The following CLIP2 variants were observed in gnomAD, a reference collection of about 807,000 sequenced individuals.
The protein encoded by CLIP2 is CAP-Gly domain containing linker protein 2, also known as CAP-Gly domain-containing linker protein 2.
In CLIP2, 41 loss-of-function variants were observed where a neutral mutation model predicts 111.7. The observed-to-expected ratio is 0.37, with a 90% CI of 0.29 to 0.48. CLIP2 has a LOEUF of 0.48. CLIP2 is among the 20% of genes least tolerant of loss of function. CLIP2 has a pLI of 0.99. For missense variants in CLIP2, 1,160 were observed against 1,422.1 expected, an observed-to-expected ratio of 0.82 and a Z score of 2.96; for synonymous variants, 660 against 644.2, an observed-to-expected ratio of 1.02 and a Z score of -0.37.
chr7:74,391,177 T>C (rs2116694493), intron 13 of CLIP2, among the ~76,000 whole-genome samples: 1 of 152,332 alleles, frequency 6.6e-6, no homozygotes, highest in East Asian at 1.9e-4. Flanking sequence ...TCTTTTTCCA[T>C]GTTCCATCTT....
At chr7:74,335,517 T>G (rs1789424474) in intron 2 of CLIP2, among the ~76,000 whole-genome samples, 1 of 151,146 alleles carries the variant, frequency 6.6e-6, no homozygotes, top group Non-Finnish European at 1.5e-5. Flanking sequence ...ATTTATTTAT[T>G]TATAAGAGAT....
chr7:74,300,407 C>G (rs1162113649), intron 1 of CLIP2, among the ~76,000 whole-genome samples: 1 of 151,534 alleles, frequency 6.6e-6, no homozygotes, highest in Non-Finnish European at 1.5e-5. Context: ...GAGTTGTTTT[C>G]TAGGGATAAT....
intron 3 of CLIP2, among the ~76,000 whole-genome samples, chr7:74,347,082 G>GCCCCGT (rs1160216339): frequency 6.6e-6 from 1 of 151,892 alleles, no homozygotes; most frequent in African/African-American, 2.4e-5. Flanking sequence ...TAGATCCCTT[G>GCCCCGT]CCCCGTCCCC....
chr7:74,400,846 AG>A (rs1291563913), intron 15 of CLIP2, among the ~76,000 whole-genome samples: 2 of 147,012 alleles, frequency 1.4e-5, no homozygotes, highest in Non-Finnish European at 3.0e-5. Flanking sequence ...CCTGGTCTGA[AG>A]GGGGAGGCAG....
At chr7:74,372,415 G>GGGGGGGGGGGGGGA (rs1790654230) in intron 8 of CLIP2, among the ~76,000 whole-genome samples, 1 of 118,936 alleles carries the variant, frequency 8.4e-6, no homozygotes, top group Non-Finnish European at 1.8e-5. Context: ...GGGGGGGGGG[G>GGGGGGGGGGGGGGA]AGTCGAGCGG....
At chr7:74,359,549 G>A (rs924712296) in intron 6 of CLIP2, among the ~76,000 whole-genome samples, 2 of 151,680 alleles carry the variant, frequency 1.3e-5, no homozygotes, top group Non-Finnish European at 2.9e-5. Flanking sequence ...TAGAGATGGG[G>A]TTTCACCATG....
intron 2 of CLIP2, among the ~76,000 whole-genome samples, chr7:74,324,423 T>C (rs1162842687): frequency 6.6e-6 from 1 of 152,190 alleles, no homozygotes; most frequent in Non-Finnish European, 1.5e-5. Flanking sequence ...GGGAACGGAC[T>C]GTAGTGTGGT....
chr7:74,329,145 C>T (rs982032695), intron 2 of CLIP2, among the ~76,000 whole-genome samples: 3 of 127,248 alleles, frequency 2.4e-5, no homozygotes, highest in Non-Finnish European at 3.2e-5. Flanking sequence ...CCAGGATTGT[C>T]TCGATCTCCT....
intron 7 of CLIP2, among the ~76,000 whole-genome samples, chr7:74,362,528 C>CTTTTTTTTTTTTTT (rs3044338): frequency 2.7e-4 from 33 of 121,946 alleles, no homozygotes; most frequent in African/African-American, 4.4e-4. Flanking sequence ...TTTTTCTTTT[C>CTTTTTTTTTTTTTT]TTTTTTTTTT....
Position 74,338,844 on chromosome 7 carries a change from C to T in CLIP2, c.518C>T (p.Ser173Leu), listed in dbSNP as rs782405366. The T allele has an allele frequency of 3.1e-6, 5 of 1,610,082 alleles. No individual in the cohort carries two copies. The highest frequency in any genetic ancestry group is 1.7e-5 in the Admixed American group (1 of 59,994). ...ACTGCCCAGAACCTGTCATTGCATTCGGGCACGGCCACGCCCCCGCTGACC... is the reference window on the plus strand; with the variant it reads ...ACTGCCCAGAACCTGTCATTGCATTTGGGCACGGCCACGCCCCCGCTGACC... ...SLTAQNLSLH[S>L]GTATPPLTSR... The change falls in exon 3 of 17, where the codon TCG (serine) becomes TTG (leucine). Residue 173 changes from serine (S) to leucine (L), a missense_variant. Transcript: ENST00000223398. The surrounding 1 kb of genome is among the most constrained non-coding windows in gnomAD (Gnocchi z 4.3).
chr7:74,308,032 G>A (rs1300113625), intron 1 of CLIP2, among the ~76,000 whole-genome samples: 1 of 152,158 alleles, frequency 6.6e-6, no homozygotes, highest in Non-Finnish European at 1.5e-5. Context: ...CAGGTGGCAT[G>A]ACGAAGACAG....
intron 13 of CLIP2, among the ~76,000 whole-genome samples, chr7:74,390,198 AAAGAAAGAAAGAAAGAAAGAAAGAAAGG>A (rs782368083): frequency 0.15 from 20,641 of 140,362 alleles, 1,886 homozygotes; most frequent in Middle Eastern, 0.19. Flanking sequence ...AGAAAGAAAG[AAAGAAAGAAAGAAAGAAAGAAAGAAAGG>A]ATTAATGCCT....
chr7:74,292,260 TC>T (rs1405197492), intron 1 of CLIP2, among the ~76,000 whole-genome samples: 2 of 151,916 alleles, frequency 1.3e-5, no homozygotes, highest in African/African-American at 2.4e-5. Context: ...TACCTCCACT[TC>T]CATACACAGG....
At chr7:74,395,085 G>A (rs1378299254) in intron 13 of CLIP2, among the ~76,000 whole-genome samples, 1 of 152,028 alleles carries the variant, frequency 6.6e-6, no homozygotes, top group African/African-American at 2.4e-5. Flanking sequence ...GTCAACAGCT[G>A]TCAACAGCCT....
chr7:74,364,998 TG>T (rs1790439531), intron 8 of CLIP2: 2 of 30,184 alleles, frequency 6.6e-5, no homozygotes, highest in Non-Finnish European at 1.1e-4. Flanking sequence ...TTTTGTTGTG[TG>T]TGTGTGTGTG....
At chr7:74,385,420 T>G (rs1554314613) in intron 11 of CLIP2, among the ~76,000 whole-genome samples, 1 of 148,848 alleles carries the variant, frequency 6.7e-6, no homozygotes, top group Non-Finnish European at 1.5e-5. Context: ...GAGCTATGAT[T>G]GCACACTCCA....
intron 1 of CLIP2, among the ~76,000 whole-genome samples, chr7:74,302,074 G>A (rs1270853949): frequency 6.6e-6 from 1 of 151,986 alleles, no homozygotes; most frequent in African/African-American, 2.4e-5. Flanking sequence ...ACCTTTTTTT[G>A]TGGCTGGTGG....
intron 6 of CLIP2, 102 bp downstream of exon 6, chr7:74,357,579 A>G (rs1203773829): frequency 9.5e-7 from 1 of 1,052,640 alleles, no homozygotes; most frequent in South Asian, 1.4e-5. Flanking sequence ...GCAGAGAAAT[A>G]TGAAGATAAC....
chr7:74,361,175 C>CG (rs2116618341), intron 7 of CLIP2, among the ~76,000 whole-genome samples: 1 of 100,620 alleles, frequency 9.9e-6, no homozygotes, highest in Admixed American at 1.2e-4. Flanking sequence ...TCCCTCCCTT[C>CG]TTTCCTTCCT....
Sources: allele counts gnomAD v4.1 joint callset (sites outside exome capture counted in the v4.1 genomes callset), GRCh38; gene constraint gnomAD v4.1.1; non-coding constraint Gnocchi (gnomAD v3.1); transcripts MANE v1.5; gene names NCBI Gene and HGNC (gene_info 2026-07-23, HGNC 2026-07-21).